Variants in NMT2 observed in about 807,000 individuals in gnomAD.
NMT2 encodes N-myristoyltransferase 2.
A neutral mutation model predicts 65.4 loss-of-function variants in NMT2; 35 were observed. That is an observed-to-expected ratio of 0.54 (90% CI 0.41 to 0.71). NMT2 has a LOEUF of 0.71. Among genes scored for constraint, NMT2 ranks in the 30% least tolerant of loss-of-function variants. The pLI, the probability that NMT2 is intolerant of heterozygous loss-of-function variation, is 0.00. For missense variants in NMT2, 489 were observed against 611.3 expected, an observed-to-expected ratio of 0.80 and a Z score of 2.11; for synonymous variants, 226 against 231.8, an observed-to-expected ratio of 0.98 and a Z score of 0.23.
intron 1 of NMT2, among the ~76,000 whole-genome samples, chr10:15,143,035 G>A (rs971324301): frequency 2.0e-5 from 3 of 152,088 alleles, no homozygotes; most frequent in African/African-American, 4.8e-5. Context: ...TCTTAATTGC[G>A]TCCCTAAGGT....
intron 8 of NMT2, among the ~76,000 whole-genome samples, chr10:15,126,370 A>G (rs531798819): frequency 6.6e-6 from 1 of 151,566 alleles, no homozygotes; most frequent in Non-Finnish European, 1.5e-5. Context: ...CGGAGATTGC[A>G]ATGAGCTGAG....
At chr10:15,140,298 A>G (rs1418670397) in intron 2 of NMT2, among the ~76,000 whole-genome samples, 1 of 151,466 alleles carries the variant, frequency 6.6e-6, no homozygotes, top group African/African-American at 2.4e-5. Context: ...AACTTTTTGT[A>G]TTTTTAGTAG....
chr10:15,156,898 C>CA (rs751188854), intron 1 of NMT2, among the ~76,000 whole-genome samples: 254 of 124,524 alleles, frequency 2.0e-3, no homozygotes, highest in Admixed American at 4.3e-3. Flanking sequence ...TCTGTCTCAA[C>CA]AAAAAAAAAA....
intron 8 of NMT2, among the ~76,000 whole-genome samples, chr10:15,122,946 T>C (rs975857724): frequency 1.4e-5 from 2 of 146,736 alleles, no homozygotes; most frequent in Non-Finnish European, 3.0e-5. Context: ...AAAAAAAAAA[T>C]GACTGCATAG....
At chr10:15,119,280 G>A in intron 9 of NMT2, 63 bp downstream of exon 9, 1 of 1,442,620 alleles carries the variant, frequency 6.9e-7, no homozygotes, top group South Asian at 1.2e-5. Context: ...AAATAATTCT[G>A]CTGCACGCTG....
At position 15,109,100 on chromosome 10, in the gene NMT2, A is replaced by C; in HGVS notation, c.*95T>G. On this transcript the variant is annotated 3_prime_UTR_variant, in exon 12 of 12. Coordinates refer to ENST00000378165, the MANE Select transcript of NMT2 (RefSeq NM_004808.3). ...TTATCGACTACTTCAATTTCACTTGAGTTGTGCTTTTATTCTTCTTTGGAA... is the reference window on the plus strand; with the variant it reads ...TTATCGACTACTTCAATTTCACTTGCGTTGTGCTTTTATTCTTCTTTGGAA... The C allele has an allele frequency of 6.4e-7, 1 of 1,564,004 alleles. No homozygotes were observed. Among genetic ancestry groups the C allele is most frequent in the South Asian group, 1.2e-5 (1 of 83,510 alleles).
intron 10 of NMT2, among the ~76,000 whole-genome samples, chr10:15,112,174 T>TCATA (rs1845541889): frequency 1.4e-4 from 4 of 28,874 alleles, no homozygotes. Context: ...GATATGGGCT[T>TCATA]TATATATATA....
At chr10:15,137,911 G>A (rs904934524) in intron 2 of NMT2, among the ~76,000 whole-genome samples, 6 of 151,958 alleles carry the variant, frequency 3.9e-5, no homozygotes, top group Admixed American at 3.9e-4. Context: ...TTAGCTCATG[G>A]GTTGACCAGC....
chr10:15,133,627 C>A (rs541040386), intron 3 of NMT2, among the ~76,000 whole-genome samples: 67 of 152,264 alleles, frequency 4.4e-4, no homozygotes, highest in African/African-American at 1.6e-3. Context: ...CACTCTGTCG[C>A]CAAGGCTGGA....
intron 8 of NMT2, among the ~76,000 whole-genome samples, chr10:15,122,224 G>T (rs1341629353): frequency 1.3e-5 from 2 of 151,964 alleles, no homozygotes; most frequent in Non-Finnish European, 2.9e-5. Context: ...GAAAGCCACA[G>T]GATATATGAT....
chr10:15,155,040 G>C (rs1291147800), intron 1 of NMT2: 1 of 1,237,590 alleles, frequency 8.1e-7, no homozygotes, highest in African/African-American at 1.5e-5. Context: ...CAAGATGCCA[G>C]GACCTGTATG....
rs182810083 is a variant in NMT2, at chr10:15,107,009, G to A, written c.*2186C>T. 7.9e-5 allele frequency among the ~76,000 whole-genome samples: 12 copies of A among 151,930 alleles called. No homozygotes were observed. Among genetic ancestry groups the A allele is most frequent in the Admixed American group, 6.6e-4 (10 of 15,246 alleles). On this transcript the variant is annotated 3_prime_UTR_variant, in exon 12 of 12. Transcript: ENST00000378165. ...AGTTCTTTTTCTTCAAAAAGACGCT[G>A]AAGCAGGAGGATCATTTTAACCCAG...
intron 8 of NMT2, among the ~76,000 whole-genome samples, chr10:15,124,214 C>G (rs1846011478): frequency 6.6e-6 from 1 of 152,128 alleles, no homozygotes; most frequent in Admixed American, 6.5e-5. Context: ...ATACTCAACA[C>G]CAGATCAAAA....
At chr10:15,132,708 G>A (rs966806153) in intron 6 of NMT2, 109 bp downstream of exon 6, 26 of 746,422 alleles carry the variant, frequency 3.5e-5, no homozygotes, top group Non-Finnish European at 5.6e-5. Context: ...GATTAGAGGT[G>A]TGAGCCACTG....
At chr10:15,128,146 G>A (rs1031796895) in intron 8 of NMT2, among the ~76,000 whole-genome samples, 3 of 152,142 alleles carry the variant, frequency 2.0e-5, no homozygotes, top group Non-Finnish European at 4.4e-5. Flanking sequence ...ACAACTTTAA[G>A]AGCCTTGGGA....
chr10:15,119,798 C>CAA (rs1352413422), intron 8 of NMT2, among the ~76,000 whole-genome samples: 1 of 152,176 alleles, frequency 6.6e-6, no homozygotes, highest in Non-Finnish European at 1.5e-5. Context: ...AGTCTTTGGT[C>CAA]ACTACTGCCC....
chr10:15,154,074 T>C (rs544005438), intron 1 of NMT2, among the ~76,000 whole-genome samples: 2 of 152,290 alleles, frequency 1.3e-5, no homozygotes, highest in East Asian at 3.9e-4. Flanking sequence ...CATCCCTCAG[T>C]GGGGAATTTG....
At chr10:15,156,715 G>A (rs1833012653) in intron 1 of NMT2, among the ~76,000 whole-genome samples, 1 of 152,016 alleles carries the variant, frequency 6.6e-6, no homozygotes, top group Non-Finnish European at 1.5e-5. Flanking sequence ...TGACCAACAT[G>A]GTGAAACCCC....
chr10:15,163,199 A>C (rs926629933), intron 1 of NMT2, among the ~76,000 whole-genome samples: 8 of 152,214 alleles, frequency 5.3e-5, no homozygotes, highest in Admixed American at 6.5e-5. Context: ...GGCATGAGCC[A>C]CCACACCTGG....
Sources: allele counts gnomAD v4.1 joint callset (sites outside exome capture counted in the v4.1 genomes callset), GRCh38; gene constraint gnomAD v4.1.1; transcripts MANE v1.5; gene names NCBI Gene and HGNC (gene_info 2026-07-23, HGNC 2026-07-21).